The following ELAVL4 variants were observed in gnomAD, a reference collection of about 807,000 sequenced individuals.
ELAVL4 encodes the protein ELAV like RNA binding protein 4.
In ELAVL4, 1 loss-of-function variant was observed where a neutral mutation model predicts 35.6. That is an observed-to-expected ratio of 0.03 (90% CI 0.01 to 0.13). The LOEUF is 0.13. Ranked by LOEUF, ELAVL4 falls within the 10% of genes least tolerant of loss-of-function variation. The pLI is 1.00. For synonymous variants in ELAVL4, 156 were observed against 171.0 expected (o/e 0.91, Z 0.69); for missense variants, 267 against 464.9 (o/e 0.57, Z 3.91).
intron 3 of ELAVL4, among the ~76,000 whole-genome samples, chr1:50,193,090 T>C (rs1682910245): frequency 6.6e-6 from 1 of 152,206 alleles, no homozygotes; most frequent in Admixed American, 6.5e-5. Context: ...GTGGTTTTTA[T>C]CTGCCCTGCT....
intron 1 of ELAVL4, among the ~76,000 whole-genome samples, chr1:50,135,059 G>A (rs902027113): frequency 6.6e-6 from 1 of 151,986 alleles, no homozygotes; most frequent in African/African-American, 2.4e-5. Flanking sequence ...ATCCGTGCTG[G>A]CCCTGCTATT....
At chr1:50,130,782 A>G (rs1205367004) in intron 1 of ELAVL4, among the ~76,000 whole-genome samples, 4 of 152,138 alleles carry the variant, frequency 2.6e-5, no homozygotes, top group Admixed American at 2.0e-4. Flanking sequence ...CATTAATGTT[A>G]GGAAACTTAG....
chr1:50,119,061 AAAG>A (rs1171938166), intron 1 of ELAVL4, among the ~76,000 whole-genome samples: 1 of 134,518 alleles, frequency 7.4e-6, no homozygotes, highest in Non-Finnish European at 1.6e-5. Flanking sequence ...AGAAAGAAAG[AAAG>A]AAAGAAAGAA....
At chr1:50,103,606 G>T (rs1017745179), upstream of ELAVL4, among the ~76,000 whole-genome samples, 1 of 152,180 alleles carries the variant, frequency 6.6e-6, no homozygotes, top group Non-Finnish European at 1.5e-5. Flanking sequence ...AGAGGTAAAG[G>T]ATGAAAATAA....
At chr1:50,189,859 C>T (rs1197343255) in intron 3 of ELAVL4, among the ~76,000 whole-genome samples, 1 of 152,194 alleles carries the variant, frequency 6.6e-6, no homozygotes, top group Non-Finnish European at 1.5e-5. Context: ...AATTACTTGC[C>T]TAAGGTCATG....
At chr1:50,104,309 G>A (rs1315913017), upstream of ELAVL4, among the ~76,000 whole-genome samples, 1 of 152,128 alleles carries the variant, frequency 6.6e-6, no homozygotes, top group African/African-American at 2.4e-5. Context: ...TTATTTACTA[G>A]GCTGATTACA....
intron 1 of ELAVL4, among the ~76,000 whole-genome samples, chr1:50,091,189 T>C (rs1022609586): frequency 2.0e-5 from 3 of 152,254 alleles, no homozygotes; most frequent in Admixed American, 2.0e-4. Flanking sequence ...TGAATTGTTC[T>C]TCCAGCTTGA....
At position 50,144,974 on chromosome 1, in the gene ELAVL4, G is replaced by A. The variant is rs750517639; in HGVS notation, c.27G>A (p.Glu9=). The change falls in exon 2 of 7, where the codon GAG becomes GAA. Residue 9 remains glutamate (E), a synonymous_variant. Coordinates refer to ENST00000371824, the MANE Select transcript of ELAVL4 (RefSeq NM_001144774.3). ...TTATTTAGATAATTAGCACCATGGA[G>A]CCTCAGGTGTCAAATGGTCCGACAT... The part of the protein sequence containing the change: MVMIISTM[E]PQVSNGPTSN... The A allele has an allele frequency of 6.2e-7, 1 of 1,613,804 alleles. No individual in the cohort carries two copies. The highest frequency in any genetic ancestry group is 8.5e-7 in the Non-Finnish European group (1 of 1,179,898).
intron 3 of ELAVL4, among the ~76,000 whole-genome samples, chr1:50,181,503 C>T (rs1256421218): frequency 6.6e-6 from 1 of 152,152 alleles, no homozygotes; most frequent in East Asian, 1.9e-4. Flanking sequence ...GGAGTATGGA[C>T]CATGGGCTTA....
At chr1:50,086,532 C>T (rs983625913) in intron 1 of ELAVL4, among the ~76,000 whole-genome samples, 2 of 150,546 alleles carry the variant, frequency 1.3e-5, no homozygotes, top group Non-Finnish European at 2.9e-5. Context: ...GAATAGTATG[C>T]GGAGGAACCC....
chr1:50,196,799 T>C (rs988799179), intron 5 of ELAVL4, among the ~76,000 whole-genome samples: 1 of 152,230 alleles, frequency 6.6e-6, no homozygotes, highest in Non-Finnish European at 1.5e-5. Context: ...CTATCGTTAC[T>C]ACTGCCCTAT....
chr1:50,057,206 AT>A (rs909605163), intron 1 of ELAVL4, among the ~76,000 whole-genome samples: 34 of 152,054 alleles, frequency 2.2e-4, no homozygotes, highest in East Asian at 9.7e-4. Context: ...AAAAAAAAAA[AT>A]AATAGAAAAA....
intron 2 of ELAVL4, among the ~76,000 whole-genome samples, chr1:50,163,014 C>G (rs1041797677): frequency 6.6e-6 from 1 of 152,162 alleles, no homozygotes; most frequent in African/African-American, 2.4e-5. Context: ...ATGGATTCAA[C>G]TTAGAAATGG....
chr1:50,049,006 A>C (rs1336817239), intron 1 of ELAVL4, among the ~76,000 whole-genome samples: 1 of 152,166 alleles, frequency 6.6e-6, no homozygotes, highest in East Asian at 1.9e-4. Context: ...AACATATGTT[A>C]AGGGACTTGA....
intron 2 of ELAVL4, among the ~76,000 whole-genome samples, chr1:50,146,049 A>C (rs1673652477): frequency 6.6e-6 from 1 of 151,722 alleles, no homozygotes; most frequent in Non-Finnish European, 1.5e-5. Flanking sequence ...CTGATACTCC[A>C]CTCCTGAAAT....
chr1:50,071,516 A>G (rs2148487435), intron 1 of ELAVL4, among the ~76,000 whole-genome samples: 1 of 152,342 alleles, frequency 6.6e-6, no homozygotes, highest in East Asian at 1.9e-4. Flanking sequence ...TCGTGAATGC[A>G]GCTTCCTACT....
intron 3 of ELAVL4, among the ~76,000 whole-genome samples, chr1:50,190,033 TGC>T (rs1682428419): frequency 6.6e-6 from 1 of 152,252 alleles, no homozygotes; most frequent in South Asian, 2.1e-4. Context: ...TAAAGTCAGC[TGC>T]TTACAGTCAC....
intron 2 of ELAVL4, among the ~76,000 whole-genome samples, chr1:50,163,362 A>T (rs1351954621): frequency 6.6e-6 from 1 of 152,154 alleles, no homozygotes; most frequent in African/African-American, 2.4e-5. Flanking sequence ...CCACATCTGT[A>T]GAAGGGATTT....
intron 1 of ELAVL4, among the ~76,000 whole-genome samples, chr1:50,057,530 G>A (rs1663742836): frequency 6.6e-6 from 1 of 152,132 alleles, no homozygotes; most frequent in African/African-American, 2.4e-5. Context: ...TATGGCAACT[G>A]CCTATAAACA....
Sources: gnomAD v4.1 joint callset for allele counts (sites outside exome capture counted in the v4.1 genomes callset) on GRCh38, gnomAD v4.1.1 for gene constraint, MANE v1.5 for transcripts, NCBI Gene and HGNC (gene_info 2026-07-23, HGNC 2026-07-21) for gene names.